NTNG1: variants seen among roughly 807,000 people sequenced by gnomAD.
NTNG1 encodes netrin G1.
Under a neutral mutation model 54.0 loss-of-function variants are expected in NTNG1, and 16 were observed. The ratio of observed to expected loss-of-function variants is 0.30; its 90% CI spans 0.20 to 0.45. The LOEUF is 0.45. NTNG1 is among the 20% of genes least tolerant of loss of function. NTNG1 has a pLI of 1.00. For missense variants in NTNG1, 530 were observed against 678.7 expected (o/e 0.78, Z 2.43); for synonymous variants, 255 against 263.1 (o/e 0.97, Z 0.30).
rs534591671 is a variant in NTNG1 at position 107,397,094 on chromosome 1, C to T, written c.1060+1768C>T. On this transcript the variant is annotated intron_variant, in intron 4 of 7. Coordinates refer to ENST00000370068, the MANE Select transcript of NTNG1 (RefSeq NM_001113226.3). ...CCCGAATCCTTTGCATATTGAAGATCACCAAGTCACTTTCTGACCAAAGGA... is the reference window on the plus strand; with the variant it reads ...CCCGAATCCTTTGCATATTGAAGATTACCAAGTCACTTTCTGACCAAAGGA... Among the ~76,000 whole-genome samples, 23 of 152,302 alleles carry T rather than the reference C, an allele frequency of 1.5e-4. No homozygotes were observed. The South Asian group carries it at 4.1e-3, about 27-fold the overall frequency.
intron 5 of NTNG1, among the ~76,000 whole-genome samples, chr1:107,423,020 C>G (rs1401090863): frequency 2.0e-5 from 3 of 151,988 alleles, no homozygotes; most frequent in Non-Finnish European, 4.4e-5. Flanking sequence ...CTGCCCAGGT[C>G]TTCCCCAGCC....
intron 7 of NTNG1, among the ~76,000 whole-genome samples, chr1:107,445,982 AT>A (rs953287354): frequency 6.6e-5 from 10 of 152,128 alleles, no homozygotes; most frequent in African/African-American, 2.4e-4. Flanking sequence ...AGCAGGCTGG[AT>A]TTGGCTTGCA....
chr1:107,330,418 A>C (rs929788051), intron 3 of NTNG1, among the ~76,000 whole-genome samples: 1 of 152,170 alleles, frequency 6.6e-6, no homozygotes, highest in Non-Finnish European at 1.5e-5. Context: ...CTATAGCTCC[A>C]AGCCCTGATG....
chr1:107,468,833 C>T (rs1293258613), intron 7 of NTNG1, among the ~76,000 whole-genome samples: 6 of 136,142 alleles, frequency 4.4e-5, no homozygotes, highest in Admixed American at 3.2e-4. Flanking sequence ...TGTGGTGGCT[C>T]ACGCCTGTAA....
chr1:107,141,180 C>T (rs981344999), intron 1 of NTNG1, 40 bp downstream of exon 1: 5 of 151,992 alleles, frequency 3.3e-5, no homozygotes, highest in Non-Finnish European at 7.4e-5. Context: ...GCGCTGGGTT[C>T]TCGGTCCTCG....
chr1:107,439,612 C>T (rs1053650152), intron 7 of NTNG1, among the ~76,000 whole-genome samples: 1 of 152,060 alleles, frequency 6.6e-6, no homozygotes, highest in African/African-American at 2.4e-5. Context: ...AGATTTTTCT[C>T]ACTCTGAAAT....
chr1:107,262,251 A>G (rs1179204545), intron 2 of NTNG1, among the ~76,000 whole-genome samples: 2 of 152,218 alleles, frequency 1.3e-5, no homozygotes, highest in Non-Finnish European at 2.9e-5. Flanking sequence ...CTTTAGAAAG[A>G]CAGGGACACA....
chr1:107,402,570 T>C (rs1393807948), intron 4 of NTNG1, among the ~76,000 whole-genome samples: 1 of 152,092 alleles, frequency 6.6e-6, no homozygotes, highest in African/African-American at 2.4e-5. Flanking sequence ...ACTGTAGCCA[T>C]TTCTGCTTGG....
At chr1:107,258,687 C>G (rs1442611700) in intron 2 of NTNG1, among the ~76,000 whole-genome samples, 1 of 152,142 alleles carries the variant, frequency 6.6e-6, no homozygotes, top group Non-Finnish European at 1.5e-5. Context: ...AGTGGCAGAG[C>G]AGGATTTGAA....
intron 2 of NTNG1, among the ~76,000 whole-genome samples, chr1:107,288,663 T>C (rs2101753962): frequency 6.6e-6 from 1 of 152,208 alleles, no homozygotes; most frequent in South Asian, 2.1e-4. Context: ...CCTTAGAAAC[T>C]TCAGTTTTTA....
chr1:107,382,406 C>T (rs1179663303), intron 3 of NTNG1, among the ~76,000 whole-genome samples: 6 of 152,126 alleles, frequency 3.9e-5, no homozygotes, highest in African/African-American at 1.4e-4. Flanking sequence ...TGACATTGAT[C>T]CATGTTAAAT....
intron 5 of NTNG1, among the ~76,000 whole-genome samples, chr1:107,430,201 G>T (rs1046858700): frequency 1.3e-5 from 2 of 152,090 alleles, no homozygotes; most frequent in African/African-American, 4.8e-5. Flanking sequence ...CAAAAATAAA[G>T]AATTGTTTAG....
chr1:107,321,360 G>A (rs996783264), intron 2 of NTNG1, among the ~76,000 whole-genome samples: 4 of 151,972 alleles, frequency 2.6e-5, no homozygotes, highest in African/African-American at 4.8e-5. Flanking sequence ...CCAGATCTGT[G>A]CCAAGCAATG....
At chr1:107,428,515 C>T (rs1675042399) in intron 5 of NTNG1, among the ~76,000 whole-genome samples, 1 of 151,944 alleles carries the variant, frequency 6.6e-6, no homozygotes, top group South Asian at 2.1e-4. Context: ...ATTAGATGTA[C>T]CAAGAACCAA....
At chr1:107,403,327 G>A (rs544769790) in intron 4 of NTNG1, among the ~76,000 whole-genome samples, 5 of 152,204 alleles carry the variant, frequency 3.3e-5, no homozygotes, top group East Asian at 1.9e-4. Context: ...TACTCAACAC[G>A]TATGTATTTC....
chr1:107,460,657 A>G (rs1353311702), intron 7 of NTNG1, among the ~76,000 whole-genome samples: 1 of 152,150 alleles, frequency 6.6e-6, no homozygotes, highest in African/African-American at 2.4e-5. Context: ...TTTCACTTTT[A>G]TACCAAACTG....
At chr1:107,425,246 G>A (rs904708351) in intron 5 of NTNG1, among the ~76,000 whole-genome samples, 3 of 152,004 alleles carry the variant, frequency 2.0e-5, no homozygotes, top group Non-Finnish European at 4.4e-5. Context: ...GATATTACAT[G>A]CATAATGGCC....
At chr1:107,241,268 A>C (rs1252840405) in intron 2 of NTNG1, among the ~76,000 whole-genome samples, 1 of 152,186 alleles carries the variant, frequency 6.6e-6, no homozygotes, top group Non-Finnish European at 1.5e-5. Flanking sequence ...CAAAACCAGA[A>C]ATCAAATGCA....
At chr1:107,448,171 T>C (rs566333804) in intron 7 of NTNG1, among the ~76,000 whole-genome samples, 1 of 152,208 alleles carries the variant, frequency 6.6e-6, no homozygotes, top group African/African-American at 2.4e-5. Context: ...ACCATAGAAT[T>C]TGATATCTGA....
Sources: gnomAD v4.1 joint callset for allele counts (sites outside exome capture counted in the v4.1 genomes callset) on GRCh38, gnomAD v4.1.1 for gene constraint, MANE v1.5 for transcripts, NCBI Gene and HGNC (gene_info 2026-07-23, HGNC 2026-07-21) for gene names.